SPMIP11: variants seen among roughly 807,000 people sequenced by gnomAD.
SPMIP11 encodes the protein sperm microtubule inner protein 11.
chr12:48,764,740 G>C, the SPMIP11 span: 21 of 622,976 alleles, frequency 3.4e-5, no homozygotes, highest in African/African-American at 3.8e-4. Flanking sequence ...TCAGCACCTG[G>C]TCCGGCCAAG....
chr12:48,771,152 G>T, the SPMIP11 span: 2 of 626,348 alleles, frequency 3.2e-6, no homozygotes, highest in South Asian at 3.9e-5. The surrounding 1 kb of genome is among the most constrained non-coding windows in gnomAD (Gnocchi z 4.3). Context: ...TAGGACTCCA[G>T]GCAGGACTTG....
the SPMIP11 span, chr12:48,770,958 C>T: frequency 3.1e-6 from 5 of 1,613,950 alleles, no homozygotes; most frequent in African/African-American, 6.7e-5. Flanking sequence ...CGGAACCGCT[C>T]CTCGCTGATA....
At chr12:48,756,868 C>CG in the SPMIP11 span, among the ~76,000 whole-genome samples, 1 of 151,002 alleles carries the variant, frequency 6.6e-6, no homozygotes. Context: ...CCTCCACCTC[C>CG]GGGATTCAAG....
At chr12:48,730,974 A>G in the SPMIP11 span, among the ~76,000 whole-genome samples, 1 of 152,172 alleles carries the variant, frequency 6.6e-6, no homozygotes, top group South Asian at 2.1e-4. Flanking sequence ...CTGAGGTTCA[A>G]AGAGGTTAAC....
At chr12:48,770,720 T>A in the SPMIP11 span, 1 of 1,586,566 alleles carries the variant, frequency 6.3e-7, no homozygotes, top group Admixed American at 1.7e-5. Context: ...CAGCTTCACC[T>A]GGAAAAAGTC....
At chr12:48,762,047 CTTTTTTTTT>C in the SPMIP11 span, among the ~76,000 whole-genome samples, 17 of 78,178 alleles carry the variant, frequency 2.2e-4, no homozygotes, top group African/African-American at 3.0e-4. Flanking sequence ...TTATAACATT[CTTTTTTTTT>C]TTTTTTTTTT....
chr12:48,748,561 G>A, the SPMIP11 span, among the ~76,000 whole-genome samples: 1 of 151,362 alleles, frequency 6.6e-6, no homozygotes, highest in Admixed American at 6.6e-5. Context: ...ACTCAAGCGG[G>A]TCTTGTTGTC....
At chr12:48,742,599 C>T in the SPMIP11 span, among the ~76,000 whole-genome samples, 4 of 152,122 alleles carry the variant, frequency 2.6e-5, no homozygotes, top group African/African-American at 9.6e-5. Flanking sequence ...AAAGCCACTG[C>T]CAGGCCAGGC....
chr12:48,746,784 G>T, the SPMIP11 span, among the ~76,000 whole-genome samples: 1 of 152,070 alleles, frequency 6.6e-6, no homozygotes, highest in Non-Finnish European at 1.5e-5. Context: ...AGCTGGGCAT[G>T]GTGGTGCATG....
the SPMIP11 span, among the ~76,000 whole-genome samples, chr12:48,742,363 C>T: frequency 6.8e-6 from 1 of 147,900 alleles, no homozygotes; most frequent in African/African-American, 2.5e-5. Context: ...CTCACCGCAA[C>T]CTCCACCTCC....
chr12:48,741,775 G>C, the SPMIP11 span, among the ~76,000 whole-genome samples: 2 of 151,822 alleles, frequency 1.3e-5, no homozygotes, highest in Non-Finnish European at 2.9e-5. Context: ...AAGTAGCTGG[G>C]ACTACAGATG....
At chr12:48,745,226 C>T in the SPMIP11 span, among the ~76,000 whole-genome samples, 15 of 150,814 alleles carry the variant, frequency 9.9e-5, no homozygotes, top group Middle Eastern at 3.5e-3. Flanking sequence ...TGCAGTGAGC[C>T]GAGATCATAC....
chr12:48,734,149 G>T, the SPMIP11 span, among the ~76,000 whole-genome samples: 1 of 152,058 alleles, frequency 6.6e-6, no homozygotes, highest in African/African-American at 2.4e-5. Flanking sequence ...CTGTCACCCA[G>T]GCTAGAGTGC....
chr12:48,739,534 G>A, the SPMIP11 span, among the ~76,000 whole-genome samples: 1 of 152,140 alleles, frequency 6.6e-6, no homozygotes, highest in South Asian at 2.1e-4. Context: ...AAGAAAAGAT[G>A]TTTAACTGTC....
At chr12:48,728,456 C>G in the SPMIP11 span, among the ~76,000 whole-genome samples, 156 of 152,288 alleles carry the variant, frequency 1.0e-3, no homozygotes, top group African/African-American at 3.6e-3. Context: ...CGCCTGTAAT[C>G]CCAACACTTT....
the SPMIP11 span, among the ~76,000 whole-genome samples, chr12:48,761,651 T>C: frequency 8.8e-3 from 1,313 of 149,400 alleles, 19 homozygotes; most frequent in African/African-American, 0.03. Context: ...CAAAGCATGA[T>C]GTAAGCTGAT....
the SPMIP11 span, among the ~76,000 whole-genome samples, chr12:48,736,357 A>T: frequency 2.5e-4 from 36 of 146,696 alleles, 1 homozygote; most frequent in African/African-American, 8.8e-4. Context: ...GGTTGCAGTG[A>T]GCTGAGATTG....
At chr12:48,751,786 G>T in the SPMIP11 span, among the ~76,000 whole-genome samples, 1 of 152,008 alleles carries the variant, frequency 6.6e-6, no homozygotes, top group African/African-American at 2.4e-5. Flanking sequence ...TTGTGGAGAG[G>T]CCGGGTGCGG....
At chr12:48,770,608 T>A in the SPMIP11 span, among the ~76,000 whole-genome samples, 1 of 152,174 alleles carries the variant, frequency 6.6e-6, no homozygotes, top group Non-Finnish European at 1.5e-5. Context: ...TGCCTAATGA[T>A]CTCTGTTCTT....
Sources: gnomAD v4.1 joint callset for allele counts (sites outside exome capture counted in the v4.1 genomes callset) on GRCh38, gnomAD v4.1.1 for gene constraint, Gnocchi (gnomAD v3.1) non-coding constraint, MANE v1.5 for transcripts, NCBI Gene and HGNC (gene_info 2026-07-23, HGNC 2026-07-21) for gene names.